Variants in APP observed in about 807,000 individuals in gnomAD.
The protein encoded by APP is amyloid-beta precursor protein.
A neutral mutation model predicts 101.4 loss-of-function variants in APP; 31 were observed. That is an observed-to-expected ratio of 0.31 (90% confidence interval 0.23 to 0.41). The LOEUF (loss-of-function observed/expected upper bound fraction) is 0.41, where lower values mean the gene tolerates loss of function less well. Among genes scored for constraint, APP ranks in the 10% least tolerant of loss-of-function variants. The pLI is 1.00. For synonymous variants in APP, 366 were observed against 364.4 expected, an observed-to-expected ratio of 1.00 and a Z score of -0.05; for missense variants, 839 against 1,003.7, an observed-to-expected ratio of 0.84 and a Z score of 2.22.
intron 6 of APP, among the ~76,000 whole-genome samples, chr21:26,021,247 C>A (rs181551468): frequency 1.3e-5 from 2 of 152,106 alleles, no homozygotes; most frequent in African/African-American, 4.8e-5. Context: ...GGGTTTTCAC[C>A]ATGTTGGCCA....
At chr21:26,114,240 T>G (rs1471392669) in intron 1 of APP, among the ~76,000 whole-genome samples, 1 of 152,212 alleles carries the variant, frequency 6.6e-6, no homozygotes, top group African/African-American at 2.4e-5. Context: ...ACAAATGCAC[T>G]TGATTCCATT....
At chr21:26,137,750 AAAAC>A (rs552858629) in intron 1 of APP, among the ~76,000 whole-genome samples, 12 of 152,230 alleles carry the variant, frequency 7.9e-5, no homozygotes, top group Non-Finnish European at 1.0e-4. Context: ...GTCAGAGTAA[AAAAC>A]AAACAAACAA....
chr21:26,135,339 A>AT (rs2062873817), intron 1 of APP, among the ~76,000 whole-genome samples: 1 of 152,238 alleles, frequency 6.6e-6, no homozygotes, highest in African/African-American at 2.4e-5. Flanking sequence ...GCCACATTAT[A>AT]TGCACGACTT....
At chr21:26,107,565 C>A (rs1298083493) in intron 2 of APP, among the ~76,000 whole-genome samples, 1 of 152,176 alleles carries the variant, frequency 6.6e-6, no homozygotes, top group Admixed American at 6.5e-5. Flanking sequence ...ACTTCCTATC[C>A]TATCTCTCTG....
At chr21:26,003,771 A>T (rs1469865550) in intron 6 of APP, among the ~76,000 whole-genome samples, 1 of 152,026 alleles carries the variant, frequency 6.6e-6, no homozygotes, top group African/African-American at 2.4e-5. Context: ...AATTCCCCCA[A>T]TTGTCAGCAA....
At chr21:26,029,301 C>T (rs572670699) in intron 5 of APP, among the ~76,000 whole-genome samples, 3 of 152,060 alleles carry the variant, frequency 2.0e-5, no homozygotes, top group East Asian at 3.9e-4. Context: ...TGCTGGGAAG[C>T]TGGACACTGG....
At chr21:26,060,205 T>C (rs760291236) in intron 3 of APP, among the ~76,000 whole-genome samples, 4 of 152,212 alleles carry the variant, frequency 2.6e-5, no homozygotes, top group African/African-American at 7.2e-5. Context: ...TGGGGTTTTA[T>C]ATGTTCATTG....
intron 6 of APP, among the ~76,000 whole-genome samples, chr21:26,007,677 A>C (rs1265605422): frequency 6.6e-6 from 1 of 151,946 alleles, no homozygotes; most frequent in Non-Finnish European, 1.5e-5. Context: ...AAAAATAAGC[A>C]GACAATATTT....
intron 13 of APP, chr21:25,941,249 G>C (rs984169550): frequency 6.6e-6 from 1 of 152,170 alleles, no homozygotes; most frequent in Non-Finnish European, 1.5e-5. Flanking sequence ...AGCCTGGCTG[G>C]CAAAGTCAGA....
At chr21:26,000,263 T>G in intron 6 of APP, 81 bp from the exon 7 acceptor site, 1 of 1,571,446 alleles carries the variant, frequency 6.4e-7, no homozygotes, top group Non-Finnish European at 8.7e-7. Flanking sequence ...TTTACTTCTT[T>G]TAATCCTCCC....
intron 5 of APP, among the ~76,000 whole-genome samples, chr21:26,041,218 T>C (rs1049626940): frequency 2.0e-5 from 3 of 152,250 alleles, no homozygotes; most frequent in Admixed American, 6.5e-5. Flanking sequence ...GATATGCTAA[T>C]ATGTAGATTT....
intron 1 of APP, among the ~76,000 whole-genome samples, chr21:26,141,460 C>A (rs918409220): frequency 2.0e-5 from 3 of 152,158 alleles, no homozygotes; most frequent in Non-Finnish European, 4.4e-5. Context: ...AAAAATAGAT[C>A]TACAAAACTG....
In APP at chr21:26,089,927, C is replaced by A; in HGVS notation, c.355+16G>T. 1 of 1,613,736 alleles carries A rather than the reference C, an allele frequency of 6.2e-7. No homozygotes were observed. Among genetic ancestry groups the A allele is most frequent in the Non-Finnish European group, 8.5e-7 (1 of 1,179,750 alleles). ...AGGCCCCCAATCAACACCAGCCCCA[C>A]GGCCGGCCGGCTCACCTAAGCAGCG... On this transcript the variant is annotated intron_variant, in intron 3 of 17. Transcript: ENST00000346798.
intron 9 of APP, among the ~76,000 whole-genome samples, chr21:25,978,773 GA>G (rs1412627274): frequency 6.6e-6 from 1 of 152,154 alleles, no homozygotes; most frequent in African/African-American, 2.4e-5. Context: ...CCAACATGGT[GA>G]AACCCTGTCT....
intron 1 of APP, among the ~76,000 whole-genome samples, chr21:26,150,606 C>CCGAT (rs2063246698): frequency 6.7e-6 from 1 of 148,576 alleles, no homozygotes; most frequent in Non-Finnish European, 1.5e-5. Context: ...TCTAGATAGA[C>CCGAT]AGATAGATAG....
At chr21:25,980,257 GT>G (rs1488585664) in intron 9 of APP, among the ~76,000 whole-genome samples, 2 of 152,208 alleles carry the variant, frequency 1.3e-5, no homozygotes, top group South Asian at 2.1e-4. Flanking sequence ...AGCATTCGGT[GT>G]TTATTTTTGT....
intron 1 of APP, among the ~76,000 whole-genome samples, chr21:26,146,269 G>C (rs1465732441): frequency 6.6e-6 from 1 of 152,234 alleles, no homozygotes. Flanking sequence ...CTGGGAGGCA[G>C]AGGTTGCAGT....
chr21:25,995,586 GA>G (rs200130486), intron 8 of APP, among the ~76,000 whole-genome samples: 426 of 1,038 alleles, frequency 0.41, 1 homozygote, highest in Admixed American at 0.44. Context: ...GTGTTCTGAA[GA>G]AAAATTAAAT....
At chr21:26,091,895 G>GA (rs2146119192) in intron 2 of APP, among the ~76,000 whole-genome samples, 1 of 152,296 alleles carries the variant, frequency 6.6e-6, no homozygotes, top group Non-Finnish European at 1.5e-5. Flanking sequence ...CTTGGAGGGA[G>GA]AACAAGGTTT....
Sources: allele counts gnomAD v4.1 joint callset (sites outside exome capture counted in the v4.1 genomes callset), GRCh38; gene constraint gnomAD v4.1.1; transcripts MANE v1.5; gene names NCBI Gene and HGNC (gene_info 2026-07-23, HGNC 2026-07-21).